The following KIAA1217 variants were observed in gnomAD, a reference collection of about 807,000 sequenced individuals.
The protein encoded by KIAA1217 is sickle tail protein homolog.
Under a neutral mutation model 163.9 loss-of-function variants are expected in KIAA1217, and 88 were observed. The observed-to-expected ratio is 0.54, with a 90% CI of 0.45 to 0.64. The LOEUF (loss-of-function observed/expected upper bound fraction) is 0.64, where lower values mean the gene tolerates loss of function less well. Ranked by LOEUF, KIAA1217 falls within the 30% of genes least tolerant of loss-of-function variation. The pLI, the probability that KIAA1217 is intolerant of heterozygous loss-of-function variation, is 0.00. For missense variants in KIAA1217, 2,372 were observed against 2,475.0 expected (o/e 0.96, Z 0.88); for synonymous variants, 903 against 923.1 (o/e 0.98, Z 0.39).
At chr10:23,743,538 G>A (rs1839234665) in intron 1 of KIAA1217, among the ~76,000 whole-genome samples, 1 of 152,156 alleles carries the variant, frequency 6.6e-6, no homozygotes, top group Non-Finnish European at 1.5e-5. Context: ...TTTGCTCTAA[G>A]GGATGAAGGA....
At chr10:23,725,432 G>A (rs1011782328) in intron 1 of KIAA1217, among the ~76,000 whole-genome samples, 5 of 152,194 alleles carry the variant, frequency 3.3e-5, no homozygotes, top group African/African-American at 4.8e-5. Flanking sequence ...CATGACCTAT[G>A]TCTTGAATTA....
chr10:24,294,150 T>C (rs2079422744), intron 2 of KIAA1217, among the ~76,000 whole-genome samples: 1 of 116,652 alleles, frequency 8.6e-6, no homozygotes, highest in African/African-American at 3.3e-5. Context: ...ATAGCGCCAC[T>C]GCACTCCAGC....
At chr10:24,131,648 C>T (rs891131640) in intron 2 of KIAA1217, among the ~76,000 whole-genome samples, 15 of 151,676 alleles carry the variant, frequency 9.9e-5, no homozygotes, top group African/African-American at 2.4e-4. Flanking sequence ...CCTACAGGCC[C>T]GAGAAAATGA....
At chr10:23,724,379 A>G (rs2130771397) in intron 1 of KIAA1217, among the ~76,000 whole-genome samples, 1 of 151,998 alleles carries the variant, frequency 6.6e-6, no homozygotes, top group African/African-American at 2.4e-5. Context: ...TTCTGTATAT[A>G]TTTTTCATTG....
At chr10:24,216,577 G>A (rs769762852) in intron 1 of KIAA1217, among the ~76,000 whole-genome samples, 12 of 151,746 alleles carry the variant, frequency 7.9e-5, no homozygotes, top group Non-Finnish European at 1.6e-4. Flanking sequence ...TTGTAATCCC[G>A]GCACTTTGGG....
chr10:24,182,502 C>A (rs994595943), intron 2 of KIAA1217, among the ~76,000 whole-genome samples: 1 of 148,948 alleles, frequency 6.7e-6, no homozygotes, highest in African/African-American at 2.5e-5. Context: ...ATTATGATGG[C>A]TTTGTTTGTT....
chr10:23,988,088 T>C (rs1026472722), intron 1 of KIAA1217, among the ~76,000 whole-genome samples: 10 of 146,476 alleles, frequency 6.8e-5, no homozygotes, highest in Non-Finnish European at 1.2e-4. Context: ...TTCAGAACTT[T>C]CAACAAATTA....
At chr10:23,724,629 C>T (rs1369826947) in intron 1 of KIAA1217, among the ~76,000 whole-genome samples, 1 of 152,120 alleles carries the variant, frequency 6.6e-6, no homozygotes, top group Non-Finnish European at 1.5e-5. Flanking sequence ...AATTTTACCC[C>T]TAAATATCCC....
At chr10:24,506,734 A>C (rs773195867) in intron 9 of KIAA1217, among the ~76,000 whole-genome samples, 1 of 152,198 alleles carries the variant, frequency 6.6e-6, no homozygotes, top group Non-Finnish European at 1.5e-5. Context: ...GTCTGGAGGC[A>C]CTTTTCAGAT....
rs370350477 is a variant in KIAA1217 at position 24,531,941 on chromosome 10, C to T, written c.3194C>T (p.Thr1065Met). 102 of 1,609,216 alleles carry T rather than the reference C, an allele frequency of 6.3e-5. No individual in the cohort carries two copies. The highest frequency in any genetic ancestry group is 8.2e-5 in the Non-Finnish European group (96 of 1,177,256). Residue 1065 changes from threonine to methionine, a missense_variant, in exon 15 of 21, where the codon ACG becomes ATG. By Grantham distance (81) the Thr-to-Met change is moderately conservative. Coordinates refer to ENST00000376454, the MANE Select transcript of KIAA1217 (RefSeq NM_019590.5). Reference sequence around the variant, plus strand: ...CTGCCAGGATCGGGACTCACCACCACGAGGTCAGGCGATGTGGTCTACACC... The same window carrying T: ...CTGCCAGGATCGGGACTCACCACCATGAGGTCAGGCGATGTGGTCTACACC... ...SYLPGSGLTT[T>M]RSGDVVYTGR... is the part of the protein sequence containing the mutation.
At chr10:24,271,297 C>T (rs2076747641) in intron 2 of KIAA1217, among the ~76,000 whole-genome samples, 1 of 152,086 alleles carries the variant, frequency 6.6e-6, no homozygotes, top group African/African-American at 2.4e-5. Context: ...GTAATCACCT[C>T]CCTAGGAGTG....
chr10:24,092,155 A>T lies in KIAA1217; in HGVS notation c.-171+84781A>T, dbSNP rs181067142. Among the ~76,000 whole-genome samples, 3 of 151,644 alleles carry T rather than the reference A, an allele frequency of 2.0e-5. No individual in the cohort carries two copies. The East Asian group carries it at 5.8e-4, about 29-fold the overall frequency. ...CATGCTCAAGTATCTTTTAACTCTG[A>T]CAACCCTTCCCTCCCTAAACCTCAT... is the stretch of plus-strand genomic sequence containing the variant. On this transcript the variant is annotated intron_variant, in intron 2 of 18. Transcript: ENST00000376462.
chr10:24,044,735 A>G (rs1235097881), intron 2 of KIAA1217, among the ~76,000 whole-genome samples: 1 of 152,148 alleles, frequency 6.6e-6, no homozygotes, highest in Non-Finnish European at 1.5e-5. Flanking sequence ...GTGTGTAACT[A>G]ATATGACCTC....
intron 3 of KIAA1217, among the ~76,000 whole-genome samples, chr10:24,390,221 G>A (rs61848133): frequency 0.11 from 16,465 of 152,034 alleles, 1,040 homozygotes; most frequent in South Asian, 0.3. Context: ...TGTGTTTCAG[G>A]AAATAGGACA....
intron 2 of KIAA1217, among the ~76,000 whole-genome samples, chr10:24,200,911 A>G (rs1249092239): frequency 6.6e-6 from 1 of 152,086 alleles, no homozygotes; most frequent in Non-Finnish European, 1.5e-5. Context: ...CTGCTGCTGA[A>G]CATGTTGGGT....
chr10:23,934,579 ATATATATATATG>A (rs1261135549), intron 1 of KIAA1217, among the ~76,000 whole-genome samples: 1 of 59,782 alleles, frequency 1.7e-5, no homozygotes, highest in South Asian at 4.2e-4. Flanking sequence ...ATATATATAT[ATATATATATATG>A]TATATATATA....
rs191200647 is a variant in KIAA1217 at position 23,781,494 on chromosome 10, T to C, written c.-321+86260T>C. On this transcript the variant is annotated intron_variant, in intron 1 of 18. Transcript: ENST00000376462. Reference sequence around the variant, plus strand: ...GTATTTTGGACATTAACCCCTTATATAGATATATGGTTCTAAAATATTTTC... The same window carrying C: ...GTATTTTGGACATTAACCCCTTATACAGATATATGGTTCTAAAATATTTTC... Among the ~76,000 whole-genome samples the C allele has an allele frequency of 5.3e-5, 8 of 152,308 alleles. No homozygotes were observed. In the East Asian group the frequency reaches 1.5e-3, roughly 29 times the overall value.
chr10:23,784,021 A>AT (rs1835376272), intron 1 of KIAA1217, among the ~76,000 whole-genome samples: 1 of 149,466 alleles, frequency 6.7e-6, no homozygotes, highest in Non-Finnish European at 1.5e-5. Context: ...TTTTTTCTGC[A>AT]TTTTTTATAC....
Position 24,513,262 on chromosome 10 carries a change from C to A in KIAA1217, c.2005C>A (p.Gln669Lys). ...QLQQMRQLQLQNQELLRAMMK... is the reference protein window; with the variant it reads ...QLQQMRQLQLKNQELLRAMMK... ...GTTGATTTTTTTGTGTTCACAGCTG[C>A]AGAACCAGGAGTTGCTGAGGGCAAT... The change falls in exon 10 of 21, where the codon CAG becomes AAG. Residue 669 changes from glutamine (Q) to lysine (K), a missense_variant. By Grantham distance (53) the Gln-to-Lys change is moderately conservative. Coordinates refer to ENST00000376454, the MANE Select transcript of KIAA1217 (RefSeq NM_019590.5). 1 of 1,613,750 alleles carries A rather than the reference C, an allele frequency of 6.2e-7. No individual in the cohort carries two copies. The highest frequency in any genetic ancestry group is 8.5e-7 in the Non-Finnish European group (1 of 1,179,876).
Sources: gnomAD v4.1 joint callset for allele counts (sites outside exome capture counted in the v4.1 genomes callset) on GRCh38, gnomAD v4.1.1 for gene constraint, MANE v1.5 for transcripts, NCBI Gene and HGNC (gene_info 2026-07-23, HGNC 2026-07-21) for gene names.